TLL1: variants seen among roughly 807,000 people sequenced by gnomAD.
The protein encoded by TLL1 is tolloid-like protein 1.
TLL1 carries 49 observed loss-of-function variants against 128.2 expected under a neutral mutation model. The observed-to-expected ratio is 0.38, with a 90% CI of 0.30 to 0.48. The LOEUF (loss-of-function observed/expected upper bound fraction) is 0.48. TLL1 is among the 20% of genes least tolerant of loss of function. The probability of loss-of-function intolerance (pLI) is 0.96; values close to 1 mark genes in which losing one functional copy is unlikely to be tolerated. For synonymous variants in TLL1, 454 were observed against 418.8 expected, an observed-to-expected ratio of 1.08 and a Z score of -1.03; for missense variants, 1,123 against 1,242.0, an observed-to-expected ratio of 0.90 and a Z score of 1.44.
At chr4:166,031,251 A>C (rs1004439631) in intron 9 of TLL1, among the ~76,000 whole-genome samples, 1 of 152,160 alleles carries the variant, frequency 6.6e-6, no homozygotes, top group African/African-American at 2.4e-5. Context: ...AATCCAAAAA[A>C]ATAGAACTAT....
At chr4:166,045,964 C>T (rs1739447320) in intron 12 of TLL1, among the ~76,000 whole-genome samples, 1 of 152,144 alleles carries the variant, frequency 6.6e-6, no homozygotes, top group Admixed American at 6.6e-5. Flanking sequence ...TAGTAAATTG[C>T]ACTTCCAACT....
chr4:165,925,508 A>G lies in TLL1; in HGVS notation c.169+51435A>G, dbSNP rs184807316. Reference sequence around the variant, plus strand: ...CAATCCCATGATAAAACTTGAGTGGATAAAGAATTGTTTCTTATGGATGAG... The same window carrying G: ...CAATCCCATGATAAAACTTGAGTGGGTAAAGAATTGTTTCTTATGGATGAG... On this transcript the variant is annotated intron_variant, in intron 1 of 20. Transcript: ENST00000061240. 2.7e-3 allele frequency among the ~76,000 whole-genome samples: 408 copies of G among 152,342 alleles called. 2 individuals are homozygous for G. Among genetic ancestry groups the G allele is most frequent in the Non-Finnish European group, 3.3e-3 (227 of 68,026 alleles).
chr4:166,004,610 T>C (rs565180804), intron 6 of TLL1, among the ~76,000 whole-genome samples: 1 of 152,068 alleles, frequency 6.6e-6, no homozygotes, highest in South Asian at 2.1e-4. Context: ...TGTAAAGGAA[T>C]GGAAATTTAG....
chr4:165,916,906 A>AT (rs1732805060), intron 1 of TLL1, among the ~76,000 whole-genome samples: 1 of 152,114 alleles, frequency 6.6e-6, no homozygotes, highest in South Asian at 2.1e-4. Flanking sequence ...GAAAAAAGGC[A>AT]TTTTGCAGGA....
chr4:166,068,981 G>A (rs1740695255), intron 16 of TLL1, among the ~76,000 whole-genome samples: 2 of 151,466 alleles, frequency 1.3e-5, no homozygotes, highest in African/African-American at 2.4e-5. Context: ...TGGTTAGGGT[G>A]GAAAGACGAT....
At chr4:166,031,488 C>T (rs1447312646) in intron 9 of TLL1, among the ~76,000 whole-genome samples, 1 of 151,110 alleles carries the variant, frequency 6.6e-6, no homozygotes, top group East Asian at 2.0e-4. Context: ...GTGCCTCAGC[C>T]TCTTGAGTAG....
chr4:166,005,644 G>A (rs1318444658), intron 6 of TLL1, among the ~76,000 whole-genome samples: 1 of 151,924 alleles, frequency 6.6e-6, no homozygotes, highest in Non-Finnish European at 1.5e-5. Context: ...ATACCACTAG[G>A]AGGGAAATAA....
chr4:166,021,161 A>G (rs892402080), intron 8 of TLL1, among the ~76,000 whole-genome samples: 1 of 152,178 alleles, frequency 6.6e-6, no homozygotes, highest in Non-Finnish European at 1.5e-5. Context: ...TTCTGAATGG[A>G]ATATATTTTA....
At chr4:165,956,613 C>T (rs577065450) in intron 1 of TLL1, among the ~76,000 whole-genome samples, 202 of 151,902 alleles carry the variant, frequency 1.3e-3, no homozygotes, top group Non-Finnish European at 2.3e-3. Flanking sequence ...CTGTTATTCT[C>T]TTCTTTTTCA....
Position 165,995,072 on chromosome 4 carries a change from G to A in TLL1, c.526G>A (p.Ala176Thr). The A allele has an allele frequency of 3.7e-6, 6 of 1,613,790 alleles. No homozygotes were observed. The highest frequency in any genetic ancestry group is 4.2e-6 in the Non-Finnish European group (5 of 1,179,836). The change falls in exon 5 of 21, where the codon GCC becomes ACC. Residue 176 changes from alanine (A) to threonine (T), a missense_variant. Transcript: ENST00000061240. ...CACATTTTTTCTAGGCAGCCAGAGA[G>A]CCATGTTCAAGCAGGCCATGAGGCA... is the stretch of plus-strand genomic sequence containing the variant. ...IGGNFTGSQR[A>T]MFKQAMRHWE...
intron 1 of TLL1, among the ~76,000 whole-genome samples, chr4:165,965,398 C>T (rs1332170485): frequency 6.6e-6 from 1 of 152,184 alleles, no homozygotes; most frequent in East Asian, 1.9e-4. Flanking sequence ...AAATGTAGGA[C>T]TCCAATATCC....
At chr4:166,069,455 T>C (rs1429527710) in intron 16 of TLL1, among the ~76,000 whole-genome samples, 1 of 151,754 alleles carries the variant, frequency 6.6e-6, no homozygotes, top group Non-Finnish European at 1.5e-5. Context: ...TAAGTGATTC[T>C]ATAGTATTTG....
At chr4:166,056,008 G>A (rs185308810) in intron 13 of TLL1, among the ~76,000 whole-genome samples, 14 of 152,072 alleles carry the variant, frequency 9.2e-5, no homozygotes, top group Admixed American at 3.3e-4. Flanking sequence ...ATTGTGTATT[G>A]CAAAACTTAG....
chr4:166,062,234 G>T, intron 15 of TLL1, among the ~76,000 whole-genome samples: 1 of 152,162 alleles, frequency 6.6e-6, no homozygotes, highest in Non-Finnish European at 1.5e-5. Flanking sequence ...CTTTAAAGTA[G>T]TTTTTTCCAA....
chr4:166,092,099 T>G (rs1741802266), intron 19 of TLL1, among the ~76,000 whole-genome samples: 1 of 152,090 alleles, frequency 6.6e-6, no homozygotes, highest in Non-Finnish European at 1.5e-5. Context: ...TGACACCTAG[T>G]GGCATTGCTG....
intron 3 of TLL1, 119 bp from the exon 4 acceptor site, chr4:165,994,262 C>A: frequency 8.3e-7 from 1 of 1,205,554 alleles, no homozygotes; most frequent in South Asian, 1.3e-5. Flanking sequence ...TGCATTTTGA[C>A]TTCTGGCATT....
intron 5 of TLL1, among the ~76,000 whole-genome samples, chr4:165,997,376 G>C (rs1399680159): frequency 6.6e-6 from 1 of 152,118 alleles, no homozygotes; most frequent in Non-Finnish European, 1.5e-5. Flanking sequence ...ACAATATCTA[G>C]TGTAATTGTT....
At chr4:165,882,525 C>A (rs2110813528) in intron 1 of TLL1, among the ~76,000 whole-genome samples, 1 of 152,160 alleles carries the variant, frequency 6.6e-6, no homozygotes, top group African/African-American at 2.4e-5. Flanking sequence ...GTGTAGCTGG[C>A]AGGCAGTCAC....
chr4:165,930,952 T>A (rs1463957996), intron 1 of TLL1, among the ~76,000 whole-genome samples: 1 of 152,174 alleles, frequency 6.6e-6, no homozygotes, highest in Non-Finnish European at 1.5e-5. Flanking sequence ...TAAATAACAA[T>A]AACAATAGCA....
Sources: gnomAD v4.1 joint callset for allele counts (sites outside exome capture counted in the v4.1 genomes callset) on GRCh38, gnomAD v4.1.1 for gene constraint, MANE v1.5 for transcripts, NCBI Gene and HGNC (gene_info 2026-07-23, HGNC 2026-07-21) for gene names.